The following CALHM5 variants were observed in gnomAD, a reference collection of about 807,000 sequenced individuals.
CALHM5 encodes the protein calcium homeostasis modulator protein 5.
CALHM5 carries 17 observed loss-of-function variants against 20.9 expected under a neutral mutation model. The observed-to-expected ratio is 0.82, with a 90% CI of 0.56 to 1.22. The LOEUF is 1.22. CALHM5 is among the 50% of genes most tolerant of loss of function. The pLI is 0.00. For synonymous variants in CALHM5, 148 were observed against 140.0 expected (o/e 1.06, Z -0.40); for missense variants, 360 against 364.6 (o/e 0.99, Z 0.10).
chr6:116,513,123 A>C (rs1187785137), intron 1 of CALHM5, among the ~76,000 whole-genome samples: 1 of 152,180 alleles, frequency 6.6e-6, no homozygotes, highest in Non-Finnish European at 1.5e-5. Flanking sequence ...GCAGATCCAC[A>C]AATTGTCAGG....
At chr6:116,514,430 T>G (rs1369705026) in intron 1 of CALHM5, among the ~76,000 whole-genome samples, 1 of 152,154 alleles carries the variant, frequency 6.6e-6, no homozygotes, top group Non-Finnish European at 1.5e-5. Context: ...ATATTATGAG[T>G]TCAGTAACAC....
chr6:116,514,931 A>G (rs1215882275), intron 1 of CALHM5, among the ~76,000 whole-genome samples: 1 of 152,244 alleles, frequency 6.6e-6, no homozygotes, highest in African/African-American at 2.4e-5. Flanking sequence ...AAGTTAGAAG[A>G]TAATTTAAGC....
rs573602584 is a variant in CALHM5, at chr6:116,511,774, G to A, written c.78G>A (p.Leu26=). 5 of 1,614,070 alleles carry A rather than the reference G, an allele frequency of 3.1e-6. No individual in the cohort carries two copies. In the South Asian group the frequency reaches 5.5e-5, roughly 18 times the overall value. The change falls in exon 1 of 2, where the codon CTG becomes CTA. Residue 26 remains leucine, a synonymous_variant. Transcript: ENST00000368599. The stretch of plus-strand genomic sequence containing the variant: ...TTGGCTACAGCTTCATGGCTCTGCT[G>A]ACCGTGGGAAGTGAGCGTCTCTTTT... The part of the protein sequence containing the change: ...TVIGYSFMAL[L]TVGSERLFSV...
rs1772242204 is a variant in CALHM5, at chr6:116,517,027, T to G, written c.*1038T>G. On this transcript the variant is annotated 3_prime_UTR_variant, in exon 2 of 2. Transcript: ENST00000368599. ...ATGCTCAGGTTCTGGTGAGAGCAAT[T>G]TTCCAGGTTGCAAACTGCTTGCTGA... 1.3e-5 allele frequency: 2 copies of G among 152,244 alleles called. No individual in the cohort carries two copies. Among genetic ancestry groups the G allele is most frequent in the Admixed American group, 6.6e-5 (1 of 15,260 alleles). 9.4% of individuals were successfully genotyped at this position (152,244 alleles called of 1,614,324 possible).
At position 116,523,956 on chromosome 6, in the gene CALHM5, C is replaced by G. The variant is rs1006520688; in HGVS notation, c.*7967C>G. ...ATGCTATATAGACCTTATTTGTATC[C>G]TGTTTCCAACAACCAACTGTAACAA... On this transcript the variant is annotated 3_prime_UTR_variant, in exon 2 of 2. Coordinates refer to ENST00000368599, the MANE Select transcript of CALHM5 (RefSeq NM_153711.5). The G allele has an allele frequency of 6.6e-6, 1 of 152,146 alleles. No individual in the cohort carries two copies. The highest frequency in any genetic ancestry group is 1.5e-5 in the Non-Finnish European group (1 of 68,022). 9.4% of individuals were successfully genotyped at this position (152,146 alleles called of 1,614,324 possible).
At position 116,512,019 on chromosome 6, in the gene CALHM5, T is replaced by C. The variant is rs1772131464; in HGVS notation, c.323T>C (p.Leu108Ser). The C allele has an allele frequency of 6.2e-7, 1 of 1,613,998 alleles. No homozygotes were observed. The highest frequency in any genetic ancestry group is 8.5e-7 in the Non-Finnish European group (1 of 1,179,962). Reference sequence around the variant, plus strand: ...CTCGGCCAGATCACTCTGAGCTCATTGGTGGCTCCAGTGATGTGGCTTTCT... The same window carrying C: ...CTCGGCCAGATCACTCTGAGCTCATCGGTGGCTCCAGTGATGTGGCTTTCT... ...YVLGQITLSS[L>S]VAPVMWLSVA... Residue 108 changes from leucine to serine, a missense_variant, in exon 1 of 2, where the codon TTG becomes TCG. By Grantham distance (145) the Leu-to-Ser change is moderately radical (BLOSUM62 -2). Transcript: ENST00000368599.
Position 116,515,813 on chromosome 6 carries a change from G to A in CALHM5, c.754G>A (p.Asp252Asn). The part of the protein sequence containing the change: ...LKCFFENKRP[D>N]PFPMPTFAAW... ...ATGTTTTTTTGAAAACAAGAGGCCA[G>A]ATCCTTTTCCCATGCCTACGTTTGC... The change falls in exon 2 of 2, where the codon GAT becomes AAT. Residue 252 changes from aspartate to asparagine, a missense_variant. Asp to Asn is a conservative substitution (Grantham distance 23). Coordinates refer to ENST00000368599, the MANE Select transcript of CALHM5 (RefSeq NM_153711.5). 6.2e-7 allele frequency: 1 copy of A among 1,613,988 alleles called. No homozygotes were observed. Among genetic ancestry groups the A allele is most frequent in the Non-Finnish European group, 8.5e-7 (1 of 1,179,946 alleles).
intron 1 of CALHM5, among the ~76,000 whole-genome samples, chr6:116,512,943 T>G (rs548957722): frequency 2.0e-5 from 3 of 152,338 alleles, no homozygotes; most frequent in African/African-American, 7.2e-5. Flanking sequence ...TTGTTTTATT[T>G]AACAGAAGGA....
chr6:116,521,173 C>T lies in CALHM5; in HGVS notation c.*5184C>T, dbSNP rs1772331912. On this transcript the variant is annotated 3_prime_UTR_variant, in exon 2 of 2. Transcript: ENST00000368599. ...TTGTGGGAATATATATTATATATAA[C>T]AAAACATGACAAATATATAACAAAA... is the stretch of plus-strand genomic sequence containing the variant. 2 of 151,330 alleles carry T rather than the reference C, an allele frequency of 1.3e-5. No individual in the cohort carries two copies. Among genetic ancestry groups the T allele is most frequent in the African/African-American group, 4.9e-5 (2 of 41,174 alleles). 9.4% of individuals were successfully genotyped at this position (151,330 alleles called of 1,614,324 possible).
intron 1 of CALHM5, among the ~76,000 whole-genome samples, chr6:116,515,121 G>A (rs191167741): frequency 2.0e-5 from 3 of 152,032 alleles, no homozygotes; most frequent in African/African-American, 4.8e-5. Flanking sequence ...TGTATCGTCT[G>A]TCTCCCTTTT....
rs1255784893 is a variant in CALHM5, at chr6:116,511,803, T to C, written c.107T>C (p.Val36Ala). 3 of 1,614,076 alleles carry C rather than the reference T, an allele frequency of 1.9e-6. No individual in the cohort carries two copies. The highest frequency in any genetic ancestry group is 2.2e-5 in the East Asian group (1 of 44,880). Residue 36 changes from valine (V) to alanine (A), a missense_variant, in exon 1 of 2, where the codon GTT becomes GCT. By Grantham distance (64) the Val-to-Ala change is moderately conservative. Transcript: ENST00000368599. ...GTGGGAAGTGAGCGTCTCTTTTCTGTTGTGGCTTTTAAGTGCCCCTGCAGC... is the reference window on the plus strand; with the variant it reads ...GTGGGAAGTGAGCGTCTCTTTTCTGCTGTGGCTTTTAAGTGCCCCTGCAGC... ...LTVGSERLFSVVAFKCPCSTE... is the reference protein window; with the variant it reads ...LTVGSERLFSAVAFKCPCSTE...
In CALHM5 at chr6:116,512,146, G is replaced by C. The variant is rs772645493; in HGVS notation, c.450G>C (p.Trp150Cys). Residue 150 changes from tryptophan to cysteine, a missense_variant, in exon 1 of 2, where the codon TGG (tryptophan) becomes TGC (cysteine). By Grantham distance (215) the Trp-to-Cys change is radical. Coordinates refer to ENST00000368599, the MANE Select transcript of CALHM5 (RefSeq NM_153711.5). The stretch of plus-strand genomic sequence containing the variant: ...GCAAGGGTAAGCCCAAAGAGTGCTG[G>C]GAAGAACTTCACAAAGTATCTTGTG... ...LICKGKPKECWEELHKVSCGK... is the reference protein window; with the variant it reads ...LICKGKPKECCEELHKVSCGK... 31 of 1,613,494 alleles carry C rather than the reference G, an allele frequency of 1.9e-5. No individual in the cohort carries two copies. In the African/African-American group the frequency reaches 3.9e-4, roughly 20 times the overall value.
At position 116,523,756 on chromosome 6, in the gene CALHM5, C is replaced by T. The variant is rs1433673007; in HGVS notation, c.*7767C>T. On this transcript the variant is annotated 3_prime_UTR_variant, in exon 2 of 2. Coordinates refer to ENST00000368599, the MANE Select transcript of CALHM5 (RefSeq NM_153711.5). The stretch of plus-strand genomic sequence containing the variant: ...CTAATCAAGTATTTAGACATTACTG[C>T]TAGTTTATAGGAAACATAAGCAACA... 2.0e-5 allele frequency: 3 copies of T among 152,134 alleles called. No homozygotes were observed. Among genetic ancestry groups the T allele is most frequent in the Non-Finnish European group, 4.4e-5 (3 of 68,020 alleles). The allele number at this position is 152,134 out of a possible 1,614,324, so 9.4% of individuals were successfully genotyped here.
chr6:116,515,578 T>G, intron 1 of CALHM5, 22 bp from the exon 2 acceptor site: 1 of 1,587,382 alleles, frequency 6.3e-7, no homozygotes, highest in South Asian at 1.2e-5. Context: ...ACGTGTGTAC[T>G]CAATATTTCT....
rs2115176924 is a variant in CALHM5, at chr6:116,524,672, T to C, written c.*8683T>C. The stretch of plus-strand genomic sequence containing the variant: ...TTTCTTTATCTTTCATGTCCAAAAA[T>C]GTTAAATAGGCCTTCAGGTAGGTCT... On this transcript the variant is annotated 3_prime_UTR_variant, in exon 2 of 2. Transcript: ENST00000368599. The C allele has an allele frequency of 6.6e-6, 1 of 152,334 alleles. No homozygotes were observed. Among genetic ancestry groups the C allele is most frequent in the East Asian group, 1.9e-4 (1 of 5,194 alleles). The allele number at this position is 152,334 out of a possible 1,614,324, so 9.4% of individuals were successfully genotyped here. A position where few individuals can be genotyped will look rare whatever the true frequency, so the allele number is the denominator to read the frequency against.
At position 116,519,528 on chromosome 6, in the gene CALHM5, C is replaced by G. The variant is rs1218159600; in HGVS notation, c.*3539C>G. The G allele has an allele frequency of 6.6e-6, 1 of 152,150 alleles. No individual in the cohort carries two copies. The highest frequency in any genetic ancestry group is 1.5e-5 in the Non-Finnish European group (1 of 68,048). The allele number at this position is 152,150 out of a possible 1,614,324, so 9.4% of individuals were successfully genotyped here. On this transcript the variant is annotated 3_prime_UTR_variant, in exon 2 of 2. Coordinates refer to ENST00000368599, the MANE Select transcript of CALHM5 (RefSeq NM_153711.5). ...GGATTTGAATATCTAGAGAGGGCACCCAATGGTCATACTAATGTTTGCCAT... is the reference window on the plus strand; with the variant it reads ...GGATTTGAATATCTAGAGAGGGCACGCAATGGTCATACTAATGTTTGCCAT...
At position 116,513,820 on chromosome 6, in the gene CALHM5, A is replaced by G. The variant is rs570323536; in HGVS notation, c.540+1584A>G. 2.8e-4 allele frequency among the ~76,000 whole-genome samples: 42 copies of G among 152,324 alleles called. No homozygotes were observed. In the South Asian group the frequency reaches 8.7e-3, roughly 32 times the overall value. On this transcript the variant is annotated intron_variant, in intron 1 of 1. Transcript: ENST00000368599. The stretch of plus-strand genomic sequence containing the variant: ...GGATGACTCTCTATTCTTAAGGAAG[A>G]TAGAATGGAGTAGTGGAAAGAGCTC...
rs1159187603 is a variant in CALHM5, at chr6:116,522,184, A to G, written c.*6195A>G. Reference sequence around the variant, plus strand: ...GAAGTCCAACCAACAGTGAGAATAAAAGGCCCCAGATCTATGGCCCTAATC... The same window carrying G: ...GAAGTCCAACCAACAGTGAGAATAAGAGGCCCCAGATCTATGGCCCTAATC... On this transcript the variant is annotated 3_prime_UTR_variant, in exon 2 of 2. Coordinates refer to ENST00000368599, the MANE Select transcript of CALHM5 (RefSeq NM_153711.5). 1 of 152,304 alleles carries G rather than the reference A, an allele frequency of 6.6e-6. No individual in the cohort carries two copies. The highest frequency in any genetic ancestry group is 1.5e-5 in the Non-Finnish European group (1 of 68,118). 9.4% of individuals were successfully genotyped at this position (152,304 alleles called of 1,614,324 possible).
chr6:116,518,775 G>T lies in CALHM5; in HGVS notation c.*2786G>T, dbSNP rs1431833098. On this transcript the variant is annotated 3_prime_UTR_variant, in exon 2 of 2. Transcript: ENST00000368599. Reference sequence around the variant, plus strand: ...CCACCCTCAAGTCCAGGGACTTTCTGCACTCAAAAAACTTACGCTCATGAC... The same window carrying T: ...CCACCCTCAAGTCCAGGGACTTTCTTCACTCAAAAAACTTACGCTCATGAC... 1 of 152,164 alleles carries T rather than the reference G, an allele frequency of 6.6e-6. No individual in the cohort carries two copies. Among genetic ancestry groups the T allele is most frequent in the Non-Finnish European group, 1.5e-5 (1 of 68,030 alleles). 9.4% of individuals were successfully genotyped at this position (152,164 alleles called of 1,614,324 possible). A position where few individuals can be genotyped will look rare whatever the true frequency, so the allele number is the denominator to read the frequency against.
Sources: gnomAD v4.1 joint callset for allele counts (sites outside exome capture counted in the v4.1 genomes callset) on GRCh38, gnomAD v4.1.1 for gene constraint, MANE v1.5 for transcripts, NCBI Gene and HGNC (gene_info 2026-07-23, HGNC 2026-07-21) for gene names.